Variants in SRGAP2C observed in about 807,000 individuals in gnomAD.
SRGAP2C encodes SLIT-ROBO Rho GTPase activating protein 2C, also known as SLIT-ROBO Rho GTPase-activating protein 2C.
A neutral mutation model predicts 25.1 loss-of-function variants in SRGAP2C; 15 were observed. The observed-to-expected ratio is 0.60, with a 90% confidence interval of 0.40 to 0.92. The LOEUF is 0.92. Ranked by LOEUF, SRGAP2C falls within the 40% of genes least tolerant of loss-of-function variation. The pLI, the probability that SRGAP2C is intolerant of heterozygous loss-of-function variation, is 0.00. For missense variants in SRGAP2C, 144 were observed against 264.4 expected, an observed-to-expected ratio of 0.54 and a Z score of 3.16; for synonymous variants, 44 against 96.6, an observed-to-expected ratio of 0.46 and a Z score of 3.19.
chr1:121,222,232 C>T (rs1655547007), intron 2 of SRGAP2C, among the ~76,000 whole-genome samples: 1 of 152,130 alleles, frequency 6.6e-6, no homozygotes, highest in East Asian at 1.9e-4. Flanking sequence ...GATCCAGGAT[C>T]CCAAAGTCTG....
rs1657193786 is a variant in SRGAP2C at position 121,279,504 on chromosome 1, G to A, written c.68-5299G>A. Reference sequence around the variant, plus strand: ...TCTACATGATTGTCAGTGTGGCAGGGCCCTGCCTGTTTTTGTTAAATGATC... The same window carrying A: ...TCTACATGATTGTCAGTGTGGCAGGACCCTGCCTGTTTTTGTTAAATGATC... On this transcript the variant is annotated intron_variant, in intron 2 of 9. Coordinates refer to ENST00000367123, the MANE Select transcript of SRGAP2C (RefSeq NM_001329984.2). 1.3e-5 allele frequency among the ~76,000 whole-genome samples: 2 copies of A among 151,392 alleles called. 1 individual carries two copies. The highest frequency in any genetic ancestry group is 1.3e-4 in the Admixed American group (2 of 15,132).
At chr1:121,191,833 A>G (rs1654687673) in intron 2 of SRGAP2C, among the ~76,000 whole-genome samples, 1 of 147,842 alleles carries the variant, frequency 6.8e-6, no homozygotes, top group Non-Finnish European at 1.5e-5. Flanking sequence ...ATAGTCTGAA[A>G]CAGGGTGGCA....
intron 4 of SRGAP2C, among the ~76,000 whole-genome samples, chr1:121,350,144 TG>T (rs1395239720): frequency 1.3e-5 from 2 of 151,660 alleles, no homozygotes; most frequent in Non-Finnish European, 2.9e-5. Flanking sequence ...AGGCCCAGGA[TG>T]GGTAGCCTTG....
At chr1:121,239,696 G>A (rs1656077464) in intron 2 of SRGAP2C, among the ~76,000 whole-genome samples, 1 of 150,724 alleles carries the variant, frequency 6.6e-6, no homozygotes, top group South Asian at 2.1e-4. Flanking sequence ...ATTAAATCAG[G>A]GGTCAGCAAA....
chr1:121,359,628 C>T (rs1168075594), intron 4 of SRGAP2C, among the ~76,000 whole-genome samples: 7 of 152,096 alleles, frequency 4.6e-5, no homozygotes, highest in African/African-American at 1.4e-4. Flanking sequence ...AATTAACCAG[C>T]GTGTTGGTAC....
intron 2 of SRGAP2C, among the ~76,000 whole-genome samples, chr1:121,278,202 T>G (rs1336091023): frequency 6.6e-6 from 1 of 151,906 alleles, no homozygotes; most frequent in Non-Finnish European, 1.5e-5. Context: ...CCACCTCGGC[T>G]TCCCAAAGTC....
chr1:121,236,509 C>T (rs1366232561), intron 2 of SRGAP2C, among the ~76,000 whole-genome samples: 1 of 151,922 alleles, frequency 6.6e-6, no homozygotes, highest in Non-Finnish European at 1.5e-5. Context: ...CAAGGTTCCA[C>T]CTGGGCTCAG....
At chr1:121,266,049 A>G (rs1656770500) in intron 2 of SRGAP2C, among the ~76,000 whole-genome samples, 1 of 151,894 alleles carries the variant, frequency 6.6e-6, no homozygotes, top group Admixed American at 6.6e-5. Context: ...ATCTCTGCTC[A>G]CTGCAACCTT....
chr1:121,337,652 A>AATAAATAC (rs1658547270), intron 4 of SRGAP2C, among the ~76,000 whole-genome samples: 2 of 149,412 alleles, frequency 1.3e-5, no homozygotes, highest in African/African-American at 2.5e-5. Flanking sequence ...TAAATAAATA[A>AATAAATAC]ATAAATAAAA....
At chr1:121,187,916 C>T (rs1229971150) in intron 2 of SRGAP2C, among the ~76,000 whole-genome samples, 4 of 151,852 alleles carry the variant, frequency 2.6e-5, no homozygotes, top group African/African-American at 4.8e-5. Context: ...GAAGAGGAGT[C>T]CAGACAGAAA....
chr1:121,218,876 A>ATT (rs1417283859), intron 2 of SRGAP2C, among the ~76,000 whole-genome samples: 4 of 151,786 alleles, frequency 2.6e-5, no homozygotes, highest in African/African-American at 9.7e-5. Flanking sequence ...TACACTTAAC[A>ATT]TTTGATCTGT....
chr1:121,350,675 A>G (rs1488268075), intron 4 of SRGAP2C, among the ~76,000 whole-genome samples: 1 of 152,206 alleles, frequency 6.6e-6, no homozygotes, highest in Non-Finnish European at 1.5e-5. Context: ...AGTCTTCATG[A>G]TCTTGGATTA....
chr1:121,265,830 A>G (rs1345635518), intron 2 of SRGAP2C, among the ~76,000 whole-genome samples: 5 of 151,892 alleles, frequency 3.3e-5, no homozygotes, highest in African/African-American at 1.2e-4. Flanking sequence ...TAAAGATTTA[A>G]TCAGGTAAAT....
chr1:121,312,379 C>A (rs1657985045), intron 3 of SRGAP2C, among the ~76,000 whole-genome samples: 3 of 38,924 alleles, frequency 7.7e-5, no homozygotes, highest in African/African-American at 2.9e-4. Context: ...AAACCAGCTC[C>A]TGGATTCATT....
At chr1:121,249,574 ATATATATTT>A (rs1402850003) in intron 2 of SRGAP2C, among the ~76,000 whole-genome samples, 88 of 20,486 alleles carry the variant, frequency 4.3e-3, no homozygotes, top group Non-Finnish European at 5.2e-3. Context: ...ATATATATAT[ATATATATTT>A]TTTTTTTTTT....
At chr1:121,353,160 C>T (rs1658968750) in intron 4 of SRGAP2C, among the ~76,000 whole-genome samples, 1 of 141,632 alleles carries the variant, frequency 7.1e-6, no homozygotes, top group Admixed American at 7.1e-5. Context: ...CACTAATAAT[C>T]ATCTGTGGGG....
chr1:121,263,596 A>G (rs1656686796), intron 2 of SRGAP2C, among the ~76,000 whole-genome samples: 1 of 151,736 alleles, frequency 6.6e-6, no homozygotes, highest in Non-Finnish European at 1.5e-5. Context: ...TAGTGTGTTC[A>G]GGGTCCAGAA....
intron 5 of SRGAP2C, among the ~76,000 whole-genome samples, chr1:121,368,384 G>A (rs1553350178): frequency 7.2e-6 from 1 of 138,702 alleles, no homozygotes; most frequent in East Asian, 2.2e-4. Context: ...CAGCCTGGGG[G>A]ACAGAGCAAG....
At chr1:121,277,303 T>C (rs1289334231) in intron 2 of SRGAP2C, among the ~76,000 whole-genome samples, 7 of 151,886 alleles carry the variant, frequency 4.6e-5, no homozygotes, top group Admixed American at 4.6e-4. Context: ...AACAGGGAAC[T>C]TCATACTTCA....
Sources: allele counts gnomAD v4.1 joint callset (sites outside exome capture counted in the v4.1 genomes callset), GRCh38; gene constraint gnomAD v4.1.1; transcripts MANE v1.5; gene names NCBI Gene and HGNC (gene_info 2026-07-23, HGNC 2026-07-21).